PPP6R3: variants seen among roughly 807,000 people sequenced by gnomAD.
PPP6R3 encodes protein phosphatase 6 regulatory subunit 3.
A neutral mutation model predicts 110.7 loss-of-function variants in PPP6R3; 38 were observed. That is an observed-to-expected ratio of 0.34 (90% CI 0.26 to 0.45). The LOEUF (loss-of-function observed/expected upper bound fraction) is 0.45, where lower values mean the gene tolerates loss of function less well. PPP6R3 is among the 20% of genes least tolerant of loss of function. PPP6R3 has a pLI of 1.00. For synonymous variants in PPP6R3, 369 were observed against 373.5 expected (o/e 0.99, Z 0.14); for missense variants, 870 against 1,062.4 (o/e 0.82, Z 2.52).
intron 7 of PPP6R3, among the ~76,000 whole-genome samples, chr11:68,557,761 G>T (rs997193060): frequency 2.0e-5 from 3 of 152,122 alleles, no homozygotes; most frequent in East Asian, 3.9e-4. Flanking sequence ...CTTGTGATCC[G>T]CCTGCCTCGG....
Position 68,613,926 on chromosome 11 carries a change from TTTTG to T in PPP6R3, c.*817_*820del, listed in dbSNP as rs1223667717. On this transcript the variant is annotated 3_prime_UTR_variant, in exon 24 of 24. Coordinates refer to ENST00000393800, the MANE Select transcript of PPP6R3 (RefSeq NM_001164161.2). ...TTTTTTTTTTTTTTTTGGCTTTTGT[TTTTG>T]TTTGTTTTTTTGTTTCATTTGGTAG... 69 of 984,944 alleles carry T rather than the reference TTTTG, an allele frequency of 7.0e-5. 1 individual carries two copies. Among genetic ancestry groups the T allele is most frequent in the African/African-American group, 1.6e-4 (9 of 57,172 alleles). The allele number at this position is 984,944 out of a possible 1,614,324, so 61.0% of individuals were successfully genotyped here.
chr11:68,468,016 C>A (rs1050802342), intron 1 of PPP6R3, among the ~76,000 whole-genome samples: 2 of 152,116 alleles, frequency 1.3e-5, no homozygotes, highest in Non-Finnish European at 2.9e-5. Context: ...TCTAGTGATC[C>A]GCCCGTCTTG....
At position 68,553,931 on chromosome 11, in the gene PPP6R3, A is replaced by G. The variant is rs570230603; in HGVS notation, c.619-214A>G. Among the ~76,000 whole-genome samples the G allele has an allele frequency of 2.0e-5, 3 of 152,340 alleles. No homozygotes were observed. The South Asian group carries it at 6.2e-4, about 32-fold the overall frequency. On this transcript the variant is annotated intron_variant, in intron 6 of 23. Coordinates refer to ENST00000393800, the MANE Select transcript of PPP6R3 (RefSeq NM_001164161.2). ...GAACCTTGACGACATCTCCCTGCAC[A>G]TAGCAGTAATGTACTGTGCACTATT...
intron 1 of PPP6R3, among the ~76,000 whole-genome samples, chr11:68,511,511 C>T (rs1002151319): frequency 1.1e-5 from 1 of 92,550 alleles, no homozygotes; most frequent in Non-Finnish European, 2.4e-5. Context: ...GTTGGAGTCT[C>T]ACCCTGTTGC....
chr11:68,478,928 T>G (rs2098870817), intron 1 of PPP6R3, among the ~76,000 whole-genome samples: 1 of 152,074 alleles, frequency 6.6e-6, no homozygotes, highest in African/African-American at 2.4e-5. Flanking sequence ...AGTGCTGGGA[T>G]TACAGGCATG....
At chr11:68,536,993 T>A (rs2099274475) in intron 2 of PPP6R3, among the ~76,000 whole-genome samples, 1 of 152,212 alleles carries the variant, frequency 6.6e-6, no homozygotes, top group Non-Finnish European at 1.5e-5. Flanking sequence ...TTTTTTTAGC[T>A]CTATAATTTG....
rs576183049 is a variant in PPP6R3 at position 68,614,585 on chromosome 11, C to G, written c.*1468C>G. On this transcript the variant is annotated 3_prime_UTR_variant, in exon 24 of 24. Coordinates refer to ENST00000393800, the MANE Select transcript of PPP6R3 (RefSeq NM_001164161.2). ...ACATTGCATATGGAAATAAAAGAAT[C>G]AAACGTCTAATGCCTTATTATTTCT... 44 of 1,506,028 alleles carry G rather than the reference C, an allele frequency of 2.9e-5. No individual in the cohort carries two copies. In the African/African-American group the frequency reaches 5.0e-4, roughly 17 times the overall value. 93.3% of individuals were successfully genotyped at this position (1,506,028 alleles called of 1,614,324 possible). A position where few individuals can be genotyped will look rare whatever the true frequency, so the allele number is the denominator to read the frequency against.
rs1225763869 is a variant in PPP6R3 at position 68,539,515 on chromosome 11, C to T, written c.227+1624C>T. Among the ~76,000 whole-genome samples, 5 of 152,336 alleles carry T rather than the reference C, an allele frequency of 3.3e-5. No homozygotes were observed. In the East Asian group the frequency reaches 9.6e-4, roughly 29 times the overall value. On this transcript the variant is annotated intron_variant, in intron 3 of 23. Transcript: ENST00000393800. Reference sequence around the variant, plus strand: ...TCTGCATGGTACCATTTTGAAGGAGCACCACTTGAGTTGGATAGGGCAGTA... The same window carrying T: ...TCTGCATGGTACCATTTTGAAGGAGTACCACTTGAGTTGGATAGGGCAGTA...
At chr11:68,513,988 A>G (rs1292947679) in intron 1 of PPP6R3, among the ~76,000 whole-genome samples, 1 of 152,206 alleles carries the variant, frequency 6.6e-6, no homozygotes, top group African/African-American at 2.4e-5. Context: ...TCATCAAAAG[A>G]CATAGGTTGT....
chr11:68,611,034 A>G (rs945511120), intron 23 of PPP6R3, among the ~76,000 whole-genome samples: 10 of 152,166 alleles, frequency 6.6e-5, no homozygotes, highest in African/African-American at 2.2e-4. Flanking sequence ...TTTTTTTTGC[A>G]TATAAAACAA....
chr11:68,544,817 G>A (rs372878733), intron 3 of PPP6R3, 21 bp from the exon 4 acceptor site: 68 of 1,514,344 alleles, frequency 4.5e-5, no homozygotes, highest in Non-Finnish European at 6.0e-5. Context: ...AGATGATGAT[G>A]TAAATATCCT....
chr11:68,594,559 T>A (rs2099607675), intron 18 of PPP6R3, among the ~76,000 whole-genome samples: 1 of 152,176 alleles, frequency 6.6e-6, no homozygotes, highest in Non-Finnish European at 1.5e-5. Flanking sequence ...CCAAGACCTG[T>A]ATGCTGAAAA....
At position 68,613,628 on chromosome 11, in the gene PPP6R3, A is replaced by AACTT. The variant is rs1357755193; in HGVS notation, c.*514_*517dup. ...CTCTAAGTGTTATTTTGGTTGTTCT[A>AACTT]ACTTACAAAAGTGATTTTGAATAAG... On this transcript the variant is annotated 3_prime_UTR_variant, in exon 24 of 24. Transcript: ENST00000393800. 1.9e-5 allele frequency: 19 copies of AACTT among 985,672 alleles called. No individual in the cohort carries two copies. Among genetic ancestry groups the AACTT allele is most frequent in the African/African-American group, 1.0e-4 (6 of 57,240 alleles). 61.1% of individuals were successfully genotyped at this position (985,672 alleles called of 1,614,324 possible).
At chr11:68,608,256 A>G (rs1941423265) in intron 22 of PPP6R3, among the ~76,000 whole-genome samples, 1 of 152,250 alleles carries the variant, frequency 6.6e-6, no homozygotes, top group Non-Finnish European at 1.5e-5. Flanking sequence ...AACCCAAATT[A>G]GAAAATTGGC....
In PPP6R3 at chr11:68,584,105, C is replaced by G. The variant is rs369602040; in HGVS notation, c.1632+976C>G. Among the ~76,000 whole-genome samples, 84 of 152,326 alleles carry G rather than the reference C, an allele frequency of 5.5e-4. 1 individual carries two copies. Among genetic ancestry groups the G allele is most frequent in the African/African-American group, 1.9e-3 (80 of 41,560 alleles). On this transcript the variant is annotated intron_variant, in intron 15 of 23. Coordinates refer to ENST00000393800, the MANE Select transcript of PPP6R3 (RefSeq NM_001164161.2). ...CCCAAATAGGTCTGAAGTAGCATTTCAGCATTTGGCTGACTTCTCTGTTGA... is the reference window on the plus strand; with the variant it reads ...CCCAAATAGGTCTGAAGTAGCATTTGAGCATTTGGCTGACTTCTCTGTTGA...
chr11:68,600,069 C>G (rs1421628788), intron 19 of PPP6R3, among the ~76,000 whole-genome samples: 1 of 151,986 alleles, frequency 6.6e-6, no homozygotes, highest in Non-Finnish European at 1.5e-5. Flanking sequence ...TTGCAGTGAG[C>G]GGAGATCGTG....
At chr11:68,566,908 C>A in intron 9 of PPP6R3, 106 bp from the exon 10 acceptor site, 2 of 888,670 alleles carry the variant, frequency 2.3e-6, no homozygotes, top group Non-Finnish European at 3.2e-6. Context: ...GTGTAAAATT[C>A]AGGCCATGTT....
intron 2 of PPP6R3, among the ~76,000 whole-genome samples, chr11:68,536,611 T>C (rs2099272304): frequency 6.6e-6 from 1 of 152,152 alleles, no homozygotes; most frequent in South Asian, 2.1e-4. Flanking sequence ...TGGATTACCA[T>C]CCTTTGCAGC....
rs761145593 is a variant in PPP6R3 at position 68,614,663 on chromosome 11, T to C, written c.*1546T>C. On this transcript the variant is annotated 3_prime_UTR_variant, in exon 24 of 24. Coordinates refer to ENST00000393800, the MANE Select transcript of PPP6R3 (RefSeq NM_001164161.2). Reference sequence around the variant, plus strand: ...GGAGATTCCAGCACTCCCAGGACAGTGGAGTCAGCAGTAAGCCCTGGGACA... The same window carrying C: ...GGAGATTCCAGCACTCCCAGGACAGCGGAGTCAGCAGTAAGCCCTGGGACA... 2 of 1,520,148 alleles carry C rather than the reference T, an allele frequency of 1.3e-6. No homozygotes were observed. Among genetic ancestry groups the C allele is most frequent in the South Asian group, 2.6e-5 (2 of 78,352 alleles). The allele number at this position is 1,520,148 out of a possible 1,614,324, so 94.2% of individuals were successfully genotyped here.
Sources: gnomAD v4.1 joint callset for allele counts (sites outside exome capture counted in the v4.1 genomes callset) on GRCh38, gnomAD v4.1.1 for gene constraint, MANE v1.5 for transcripts, NCBI Gene and HGNC (gene_info 2026-07-23, HGNC 2026-07-21) for gene names.